Variants in CPQ observed in about 807,000 individuals in gnomAD.
CPQ encodes Ser-Met dipeptidase.
Under a neutral mutation model 45.7 loss-of-function variants are expected in CPQ, and 37 were observed. The observed-to-expected ratio is 0.81, with a 90% CI of 0.62 to 1.07. The LOEUF is 1.07. CPQ is among the 50% of genes least tolerant of loss of function. The pLI, the probability that CPQ is intolerant of heterozygous loss-of-function variation, is 0.00. For missense variants in CPQ, 537 were observed against 572.9 expected (o/e 0.94, Z 0.64); for synonymous variants, 186 against 205.8 (o/e 0.90, Z 0.82).
At chr8:96,815,492 C>T (rs896262526) in intron 2 of CPQ, among the ~76,000 whole-genome samples, 3 of 151,618 alleles carry the variant, frequency 2.0e-5, no homozygotes, top group Admixed American at 2.0e-4. Context: ...AAGCAGATCA[C>T]AGTTGAGGGG....
intron 1 of CPQ, among the ~76,000 whole-genome samples, chr8:96,732,812 A>C (rs369617808): frequency 1.3e-5 from 2 of 152,132 alleles, no homozygotes; most frequent in African/African-American, 4.8e-5. Flanking sequence ...GGGGCCCTAC[A>C]TGGCTCTGAG....
chr8:96,931,775 T>A (rs1343584292), intron 4 of CPQ, among the ~76,000 whole-genome samples: 1 of 152,194 alleles, frequency 6.6e-6, no homozygotes, highest in African/African-American at 2.4e-5. Context: ...TCTATGAGAA[T>A]AATTGCCCAA....
At chr8:97,129,995 G>A (rs1002386293) in intron 7 of CPQ, among the ~76,000 whole-genome samples, 1 of 152,202 alleles carries the variant, frequency 6.6e-6, no homozygotes, top group African/African-American at 2.4e-5. Flanking sequence ...GCAAAAATGA[G>A]TGAAAGGTTG....
intron 3 of CPQ, among the ~76,000 whole-genome samples, chr8:96,842,992 G>A (rs563413433): frequency 7.2e-5 from 11 of 152,166 alleles, no homozygotes; most frequent in South Asian, 2.1e-4. Flanking sequence ...TGCTACCTCC[G>A]CCTCCCGGGT....
intron 5 of CPQ, among the ~76,000 whole-genome samples, chr8:97,008,337 A>G (rs903719478): frequency 2.6e-5 from 4 of 152,342 alleles, no homozygotes; most frequent in African/African-American, 9.6e-5. Flanking sequence ...ATAATGTGTC[A>G]ATTTATGCCT....
chr8:97,010,371 T>C (rs1184138020), intron 5 of CPQ, among the ~76,000 whole-genome samples: 2 of 152,232 alleles, frequency 1.3e-5, no homozygotes, highest in Non-Finnish European at 2.9e-5. Context: ...TGAATAGCTC[T>C]GTGACATTGT....
intron 3 of CPQ, among the ~76,000 whole-genome samples, chr8:96,867,336 C>T (rs1812008643): frequency 1.3e-5 from 2 of 151,986 alleles, no homozygotes; most frequent in African/African-American, 4.8e-5. Flanking sequence ...GATCTGTCTG[C>T]TTAACTCATC....
chr8:96,933,941 C>T (rs11993103), intron 4 of CPQ, among the ~76,000 whole-genome samples: 12,117 of 152,200 alleles, frequency 0.08, 932 homozygotes, highest in African/African-American at 0.2. Flanking sequence ...AATAGTGCTA[C>T]GTACCGCTAC....
At chr8:96,773,095 C>T (rs1004756767) in intron 1 of CPQ, among the ~76,000 whole-genome samples, 2 of 152,036 alleles carry the variant, frequency 1.3e-5, no homozygotes, top group African/African-American at 4.8e-5. Flanking sequence ...TCTGGATAGA[C>T]TAGTTTAAAG....
At chr8:96,781,126 C>A (rs956695650) in intron 1 of CPQ, among the ~76,000 whole-genome samples, 3 of 151,900 alleles carry the variant, frequency 2.0e-5, no homozygotes, top group African/African-American at 7.3e-5. Flanking sequence ...CTAATGCTTT[C>A]GCAAAATAAT....
At chr8:96,862,106 T>C (rs1207949397) in intron 3 of CPQ, among the ~76,000 whole-genome samples, 1 of 151,970 alleles carries the variant, frequency 6.6e-6, no homozygotes, top group African/African-American at 2.4e-5. Flanking sequence ...TAGCAGTGTG[T>C]GTTATAGGAG....
intron 6 of CPQ, among the ~76,000 whole-genome samples, chr8:97,063,574 G>T (rs1233768689): frequency 6.6e-6 from 1 of 152,058 alleles, no homozygotes; most frequent in Admixed American, 6.6e-5. Context: ...GTATGCCTAG[G>T]TTGTCTTCTG....
chr8:96,895,041 G>A (rs1009543938), intron 4 of CPQ, among the ~76,000 whole-genome samples: 4 of 152,072 alleles, frequency 2.6e-5, no homozygotes, highest in African/African-American at 9.7e-5. Flanking sequence ...TATTTATTGA[G>A]TGCCGTCCGT....
At chr8:96,648,495 A>C (rs747246481) in intron 1 of CPQ, among the ~76,000 whole-genome samples, 28 of 152,180 alleles carry the variant, frequency 1.8e-4, no homozygotes, top group Middle Eastern at 3.4e-3. Flanking sequence ...AATGCAGCAA[A>C]GTATTTGGAG....
intron 3 of CPQ, among the ~76,000 whole-genome samples, chr8:96,876,538 C>T (rs563294140): frequency 6.6e-6 from 1 of 152,154 alleles, no homozygotes; most frequent in Admixed American, 6.5e-5. Flanking sequence ...TCATTCTTTT[C>T]CCATTACATA....
chr8:96,965,077 C>G (rs534491708), intron 4 of CPQ, among the ~76,000 whole-genome samples: 1 of 152,088 alleles, frequency 6.6e-6, no homozygotes, highest in Non-Finnish European at 1.5e-5. Flanking sequence ...TTATTTAATA[C>G]TAATGTCAGT....
rs1395114358 is a variant in CPQ, at chr8:97,121,803, A to G, written c.1256-21217A>G. ...AGAAACATAATGAAAAGAGAAATGG[A>G]AACTATAGAAAAGGAATCAAATGTA... On this transcript the variant is annotated intron_variant, in intron 7 of 7. Transcript: ENST00000220763. Among the ~76,000 whole-genome samples the G allele has an allele frequency of 2.6e-5, 4 of 152,100 alleles. No individual in the cohort carries two copies. In the East Asian group the frequency reaches 5.8e-4, roughly 22 times the overall value.
At chr8:96,806,160 G>A (rs879323506) in intron 2 of CPQ, among the ~76,000 whole-genome samples, 5 of 152,258 alleles carry the variant, frequency 3.3e-5, no homozygotes, top group Middle Eastern at 3.4e-3. Context: ...TGTTTTGGTG[G>A]GCAATATAGG....
intron 6 of CPQ, among the ~76,000 whole-genome samples, chr8:97,043,831 T>C (rs138362859): frequency 2.0e-5 from 3 of 152,232 alleles, no homozygotes; most frequent in African/African-American, 7.2e-5. Context: ...TTCTGGCTTG[T>C]AGAGTTTCTG....
Sources: gnomAD v4.1 joint callset for allele counts (sites outside exome capture counted in the v4.1 genomes callset) on GRCh38, gnomAD v4.1.1 for gene constraint, MANE v1.5 for transcripts, NCBI Gene and HGNC (gene_info 2026-07-23, HGNC 2026-07-21) for gene names.